TG: variants seen among roughly 807,000 people sequenced by gnomAD.
The protein encoded by TG is thyroglobulin, also known as thyroid hormones.
Under a neutral mutation model 324.7 loss-of-function variants are expected in TG, and 270 were observed. The observed-to-expected ratio is 0.83, with a 90% CI of 0.75 to 0.92. The LOEUF (loss-of-function observed/expected upper bound fraction) is 0.92. Among genes scored for constraint, TG ranks in the 40% least tolerant of loss-of-function variants. TG has a pLI of 0.00. For synonymous variants in TG, 1,401 were observed against 1,327.0 expected (o/e 1.06, Z -1.21); for missense variants, 3,591 against 3,456.4 (o/e 1.04, Z -0.98).
At chr8:133,115,273 C>A (rs532899988) in intron 44 of TG, among the ~76,000 whole-genome samples, 29 of 152,200 alleles carry the variant, frequency 1.9e-4, no homozygotes, top group Non-Finnish European at 4.3e-4. Context: ...CTCAGGCCTT[C>A]CTTCTCTCTG....
chr8:133,013,307 A>T (rs56997488), intron 36 of TG, among the ~76,000 whole-genome samples: 3,374 of 152,282 alleles, frequency 0.022, 135 homozygotes, highest in African/African-American at 0.076. Flanking sequence ...GCATGAGCGG[A>T]TGAAAGGATA....
intron 11 of TG, 134 bp downstream of exon 11, chr8:132,894,063 G>A: frequency 7.1e-7 from 1 of 1,406,872 alleles, no homozygotes; most frequent in Non-Finnish European, 9.8e-7. Flanking sequence ...GGAAGGAAAA[G>A]GCAAAGTGGT....
rs771126854 is a variant in TG at position 132,923,394 on chromosome 8, T to A, written c.4585T>A (p.Tyr1529Asn). 6.2e-7 allele frequency: 1 copy of A among 1,613,988 alleles called. No homozygotes were observed. Among genetic ancestry groups the A allele is most frequent in the Admixed American group, 1.7e-5 (1 of 60,014 alleles). The change falls in exon 22 of 48, where the codon TAT becomes AAT. Residue 1529 changes from tyrosine to asparagine, a missense_variant. Physicochemically the swap from Tyr to Asn is moderately radical, Grantham distance 143. Coordinates refer to ENST00000220616, the MANE Select transcript of TG (RefSeq NM_003235.5). ...CCTGCAATGTGACCAGAATGGCCAG[T>A]ATCGAGCCAGCCAGAAGGACAGGGG... The part of the protein sequence containing the change: ...AGLQCDQNGQ[Y>N]RASQKDRGSG...
chr8:132,899,018 T>G, intron 14 of TG, 108 bp downstream of exon 14: 1 of 999,776 alleles, frequency 1.0e-6, no homozygotes, highest in Non-Finnish European at 1.6e-6. Flanking sequence ...TCACATGATG[T>G]TCTCAGCCTG....
intron 41 of TG, among the ~76,000 whole-genome samples, chr8:133,033,325 C>T (rs915380279): frequency 2.0e-5 from 3 of 152,124 alleles, no homozygotes; most frequent in African/African-American, 7.2e-5. Context: ...GAAGTATGTC[C>T]TAGGGTATTT....
chr8:132,962,868 C>A (rs1827961754), intron 28 of TG, 126 bp from the exon 29 acceptor site: 2 of 829,284 alleles, frequency 2.4e-6, no homozygotes, highest in South Asian at 2.7e-5. Context: ...GCATCTGTTG[C>A]AGATCTTCTC....
At chr8:133,067,862 GAAA>G (rs1564145339) in intron 41 of TG, among the ~76,000 whole-genome samples, 208 of 72,150 alleles carry the variant, frequency 2.9e-3, no homozygotes, top group African/African-American at 0.013. Context: ...GAGAAAGAAA[GAAA>G]GAAAGGAAGG....
rs146711963 is a variant in TG, at chr8:133,030,023, G to A, written c.7239G>A (p.Met2413Ile). ...NSQLFRRAVL[M>I]GGSALSPAAV... is the part of the protein sequence containing the mutation. ...AACTTTTCCGGAGAGCTGTGCTGAT[G>A]GTAAGTGGTGTGTGTTCTACCTTCA... The change falls in exon 41 of 48, where the codon ATG (methionine) becomes ATA (isoleucine). Residue 2413 changes from methionine to isoleucine, a missense_variant and splice_region_variant. Coordinates refer to ENST00000220616, the MANE Select transcript of TG (RefSeq NM_003235.5). 1.3e-4 allele frequency: 212 copies of A among 1,614,104 alleles called. No individual in the cohort carries two copies. The highest frequency in any genetic ancestry group is 1.6e-4 in the Non-Finnish European group (187 of 1,180,046).
At position 133,133,601 on chromosome 8, in the gene TG, T is replaced by G. The variant is rs780464961; in HGVS notation, c.8129T>G (p.Leu2710Arg). The stretch of plus-strand genomic sequence containing the variant: ...GAGCTGCTCCCCAATCGACAGGGCC[T>G]GAAGAAAGCCGACTGCTCCTTCTGG... ...FSELLPNRQG[L>R]KKADCSFWSK... The change falls in exon 47 of 48, where the codon CTG (leucine) becomes CGG (arginine). Residue 2710 changes from leucine to arginine, a missense_variant. Coordinates refer to ENST00000220616, the MANE Select transcript of TG (RefSeq NM_003235.5). 1 of 1,614,206 alleles carries G rather than the reference T, an allele frequency of 6.2e-7. No individual in the cohort carries two copies. The highest frequency in any genetic ancestry group is 8.5e-7 in the Non-Finnish European group (1 of 1,180,034).
At chr8:133,022,211 C>T in intron 40 of TG, 61 bp downstream of exon 40, 1 of 1,609,434 alleles carries the variant, frequency 6.2e-7, no homozygotes, top group South Asian at 1.1e-5. Context: ...GCCCCTTTTC[C>T]CCAAGACCCA....
intron 27 of TG, among the ~76,000 whole-genome samples, chr8:132,956,850 A>G (rs368492909): frequency 9.5e-4 from 144 of 152,202 alleles, no homozygotes; most frequent in African/African-American, 3.4e-3. Context: ...AGTTGTGGTA[A>G]GGCTTGAGCT....
intron 41 of TG, chr8:133,040,149 A>G: frequency 6.3e-7 from 1 of 1,575,492 alleles, no homozygotes. Flanking sequence ...GGAAGCAGAC[A>G]GCCGGTCAGG....
intron 36 of TG, 122 bp downstream of exon 36, chr8:133,012,157 G>C (rs1158174674): frequency 2.1e-6 from 3 of 1,415,740 alleles, no homozygotes; most frequent in Non-Finnish European, 9.8e-7. Context: ...TGGAAGTAAG[G>C]GATTAACCTG....
Position 133,095,074 on chromosome 8 carries a change from A to G in TG, c.7270A>G (p.Ile2424Val). 2 of 1,614,130 alleles carry G rather than the reference A, an allele frequency of 1.2e-6. No homozygotes were observed. The highest frequency in any genetic ancestry group is 1.7e-6 in the Non-Finnish European group (2 of 1,180,038). The part of the protein sequence containing the change: ...GGSALSPAAV[I>V]SHERAQQQAI... Reference sequence around the variant, plus strand: ...CTCCGCACTCTCCCCGGCCGCCGTCATCAGCCATGAGAGGGCTCAGCAGCA... The same window carrying G: ...CTCCGCACTCTCCCCGGCCGCCGTCGTCAGCCATGAGAGGGCTCAGCAGCA... The change falls in exon 42 of 48, where the codon ATC (isoleucine) becomes GTC (valine). Residue 2424 changes from isoleucine to valine, a missense_variant. Ile to Val is a conservative substitution (Grantham distance 29). Coordinates refer to ENST00000220616, the MANE Select transcript of TG (RefSeq NM_003235.5).
Position 133,050,821 on chromosome 8 carries a change from A to T in TG, c.7239+20798A>T, listed in dbSNP as rs369727339. On this transcript the variant is annotated intron_variant, in intron 41 of 47. Transcript: ENST00000220616. ...GTTTTGGAGAGCTGACTCACTCAGA[A>T]ATCACACGCAGTTTCTCCCCTCGGC... 3 of 1,603,382 alleles carry T rather than the reference A, an allele frequency of 1.9e-6. No individual in the cohort carries two copies. In the African/African-American group the frequency reaches 4.0e-5, roughly 21 times the overall value.
intron 16 of TG, 33 bp from the exon 17 acceptor site, chr8:132,906,655 G>T (rs1178464996): frequency 1.2e-6 from 2 of 1,611,222 alleles, no homozygotes; most frequent in Non-Finnish European, 1.7e-6. Context: ...GGCTGGGCAG[G>T]TGCCCACCAC....
At chr8:133,049,950 C>T in intron 41 of TG, 1 of 1,613,772 alleles carries the variant, frequency 6.2e-7, no homozygotes, top group Non-Finnish European at 8.5e-7. Flanking sequence ...ACTCTCTCGA[C>T]CAGTGCTAAG....
At chr8:133,038,283 C>T (rs1459394615) in intron 41 of TG, 15 of 550,970 alleles carry the variant, frequency 2.7e-5, no homozygotes, top group Non-Finnish European at 3.6e-5. Context: ...TTCCAAGCAT[C>T]GCCCGACATG....
In TG at chr8:133,070,029, A is replaced by AAAAAAAC. The variant is rs376711807; in HGVS notation, c.7240-25014_7240-25013insAAAAACA. On this transcript the variant is annotated intron_variant, in intron 41 of 47. Transcript: ENST00000220616. ...AAAAAAAAAAAAAAAAAAAAAAAGA[A>AAAAAAAC]AGAAAGAAAGAAAAGAAAAGAAGAA... 2.9e-4 allele frequency among the ~76,000 whole-genome samples: 32 copies of AAAAAAAC among 109,784 alleles called. 5 individuals carry two copies. Among genetic ancestry groups the AAAAAAAC allele is most frequent in the Middle Eastern group, 5.7e-3 (1 of 174 alleles). 72.0% of individuals were successfully genotyped at this position (109,784 alleles called of 152,430 possible).
Sources: gnomAD v4.1 joint callset for allele counts (sites outside exome capture counted in the v4.1 genomes callset) on GRCh38, gnomAD v4.1.1 for gene constraint, MANE v1.5 for transcripts, NCBI Gene and HGNC (gene_info 2026-07-23, HGNC 2026-07-21) for gene names.